The following ALK variants were observed in gnomAD, a reference collection of about 807,000 sequenced individuals.
The protein encoded by ALK is ALK tyrosine kinase receptor.
Under a neutral mutation model 163.1 loss-of-function variants are expected in ALK, and 74 were observed. The ratio of observed to expected loss-of-function variants is 0.45; its 90% CI spans 0.38 to 0.55. The LOEUF (loss-of-function observed/expected upper bound fraction) is 0.55. Ranked by LOEUF, ALK falls within the 20% of genes least tolerant of loss-of-function variation. The pLI is 0.00. For missense variants in ALK, 2,063 were observed against 2,105.3 expected (o/e 0.98, Z 0.39); for synonymous variants, 960 against 843.2 (o/e 1.14, Z -2.40).
At chr2:29,455,117 A>T (rs1380652029) in intron 4 of ALK, among the ~76,000 whole-genome samples, 1 of 152,142 alleles carries the variant, frequency 6.6e-6, no homozygotes, top group Non-Finnish European at 1.5e-5. Context: ...TGTCTATTTC[A>T]TAATAGACAT....
At chr2:29,330,439 G>A (rs1667404350) in intron 5 of ALK, among the ~76,000 whole-genome samples, 1 of 152,184 alleles carries the variant, frequency 6.6e-6, no homozygotes, top group Non-Finnish European at 1.5e-5. Context: ...CCTGCCTCCA[G>A]AACGCTTGTG....
chr2:29,866,826 A>G (rs370800599), intron 1 of ALK, among the ~76,000 whole-genome samples: 1 of 152,258 alleles, frequency 6.6e-6, no homozygotes, highest in African/African-American at 2.4e-5. Flanking sequence ...AAACTCCACA[A>G]TTCTGCATCA....
In ALK at chr2:29,678,307, A is replaced by C. The variant is rs756007730; in HGVS notation, c.952+16543T>G. ...TTTTTTATTTCATGGATTTCTACTC[A>C]ATCTTTATTTCCTTTCTTCTGCATG... On this transcript the variant is annotated intron_variant, in intron 3 of 28. Transcript: ENST00000389048. 9.9e-5 allele frequency among the ~76,000 whole-genome samples: 15 copies of C among 151,676 alleles called. 1 individual carries two copies. The highest frequency in any genetic ancestry group is 1.5e-4 in the Non-Finnish European group (10 of 67,812).
chr2:29,896,296 A>G (rs1388476668), intron 1 of ALK, among the ~76,000 whole-genome samples: 1 of 152,122 alleles, frequency 6.6e-6, no homozygotes, highest in Non-Finnish European at 1.5e-5. Context: ...CCCAAGAGGG[A>G]ATGTCTTGAC....
At chr2:29,785,964 CCT>C (rs1251303411) in intron 1 of ALK, among the ~76,000 whole-genome samples, 7 of 148,974 alleles carry the variant, frequency 4.7e-5, no homozygotes, top group Admixed American at 4.0e-4. Context: ...CACACATTAC[CCT>C]CTCTGCAAGG....
intron 4 of ALK, among the ~76,000 whole-genome samples, chr2:29,467,381 G>A (rs1671238798): frequency 6.6e-6 from 1 of 152,142 alleles, no homozygotes; most frequent in South Asian, 2.1e-4. Flanking sequence ...TGGGAATATG[G>A]CAGTGAACAA....
chr2:29,488,359 C>T (rs1480614631), intron 4 of ALK, among the ~76,000 whole-genome samples: 1 of 152,078 alleles, frequency 6.6e-6, no homozygotes, highest in Non-Finnish European at 1.5e-5. Flanking sequence ...TGGGGTCATT[C>T]CCTAACCCCC....
intron 4 of ALK, among the ~76,000 whole-genome samples, chr2:29,423,664 C>T (rs1224605583): frequency 6.6e-6 from 1 of 152,218 alleles, no homozygotes; most frequent in East Asian, 1.9e-4. Context: ...GAAAAAGGCA[C>T]AGGCAAGAAT....
At chr2:29,686,847 G>A (rs575556295) in intron 3 of ALK, among the ~76,000 whole-genome samples, 1 of 152,288 alleles carries the variant, frequency 6.6e-6, no homozygotes, top group African/African-American at 2.4e-5. Flanking sequence ...CCCTTCTCAG[G>A]AGTCCAAGCT....
rs113574021 is a variant in ALK, at chr2:29,873,886, G to A, written c.667+46107C>T. On this transcript the variant is annotated intron_variant, in intron 1 of 28. Transcript: ENST00000389048. ...TCTGGGCATCAAAATCGCTTTTAAT[G>A]TCCCCAACAAAGCAGTAGCCTCTGG... Among the ~76,000 whole-genome samples the A allele has an allele frequency of 1.6e-3, 239 of 152,000 alleles. 1 individual carries two copies. Among genetic ancestry groups the A allele is most frequent in the Admixed American group, 2.7e-3 (41 of 15,280 alleles).
chr2:29,297,499 T>C (rs753524457), intron 8 of ALK, among the ~76,000 whole-genome samples: 12 of 152,230 alleles, frequency 7.9e-5, no homozygotes, highest in Non-Finnish European at 1.2e-4. Flanking sequence ...TTAGGTATCA[T>C]AGATTTTTCT....
At position 29,694,856 on chromosome 2, in the gene ALK, G is replaced by T. The variant is rs1254406721; in HGVS notation, c.946C>A (p.Pro316Thr). 4 of 1,613,670 alleles carry T rather than the reference G, an allele frequency of 2.5e-6. No homozygotes were observed. The highest frequency in any genetic ancestry group is 2.7e-5 in the African/African-American group (2 of 74,910). ...GPGAERSKEM[P>T]RGSFLLLNTS... Reference sequence around the variant, plus strand: ...CCAGCAGCCTCTCCCTTACCTCTGGGCATCTCCTTAGAACGCTCTGCCCCA... The same window carrying T: ...CCAGCAGCCTCTCCCTTACCTCTGGTCATCTCCTTAGAACGCTCTGCCCCA... The change falls in exon 3 of 29, where the codon CCC (proline) becomes ACC (threonine). Residue 316 changes from proline to threonine, a missense_variant. This residue lies in a region of ALK where 987 missense variants were observed against 939.5 expected (regional missense o/e 1.05). Transcript: ENST00000389048.
intron 8 of ALK, among the ~76,000 whole-genome samples, chr2:29,299,766 G>A (rs1351171225): frequency 6.6e-6 from 1 of 152,206 alleles, no homozygotes; most frequent in Admixed American, 6.5e-5. Context: ...ATTACAAAAT[G>A]CTGGAGGTTG....
At chr2:29,224,106 T>A (rs1478625027) in intron 19 of ALK, among the ~76,000 whole-genome samples, 3 of 152,160 alleles carry the variant, frequency 2.0e-5, no homozygotes, top group Non-Finnish European at 4.4e-5. Context: ...GCTCAGCCAT[T>A]GGGTAGGGCA....
In ALK at chr2:29,697,348, G is replaced by C. The variant is rs138934580; in HGVS notation, c.788-2334C>G. Among the ~76,000 whole-genome samples, 48 of 152,306 alleles carry C rather than the reference G, an allele frequency of 3.2e-4. No individual in the cohort carries two copies. In the East Asian group the frequency reaches 8.3e-3, roughly 26 times the overall value. On this transcript the variant is annotated intron_variant, in intron 2 of 28. Transcript: ENST00000389048. ...GAGGGTCATTGGGTAAGGAGAGAGA[G>C]AAAAGAGAGGCAGGAAGGGCCCATG...
chr2:29,860,389 G>GGA (rs1361566522), intron 1 of ALK, among the ~76,000 whole-genome samples: 2 of 115,222 alleles, frequency 1.7e-5, no homozygotes, highest in Admixed American at 1.0e-4. Context: ...TTAAGGAAAG[G>GGA]GAGAAAAAAA....
At chr2:29,754,846 T>C (rs1193947503) in intron 1 of ALK, among the ~76,000 whole-genome samples, 1 of 152,172 alleles carries the variant, frequency 6.6e-6, no homozygotes, top group African/African-American at 2.4e-5. Context: ...TAAATGAGTT[T>C]CTATTTTTCT....
At chr2:29,531,455 G>A (rs1175660077) in intron 4 of ALK, among the ~76,000 whole-genome samples, 2 of 152,156 alleles carry the variant, frequency 1.3e-5, no homozygotes, top group Non-Finnish European at 2.9e-5. Context: ...TAGTATCCAT[G>A]ACTAATCCTG....
intron 1 of ALK, among the ~76,000 whole-genome samples, chr2:29,793,675 C>A (rs1211869274): frequency 6.6e-6 from 1 of 152,104 alleles, no homozygotes; most frequent in Non-Finnish European, 1.5e-5. Flanking sequence ...TCAGAGCTCT[C>A]CAGTGATGAG....
Sources: allele counts gnomAD v4.1 joint callset (sites outside exome capture counted in the v4.1 genomes callset), GRCh38; gene constraint gnomAD v4.1.1; regional missense constraint gnomAD v4.1.1; transcripts MANE v1.5; gene names NCBI Gene and HGNC (gene_info 2026-07-23, HGNC 2026-07-21).